BMPR1B: variants seen among roughly 807,000 people sequenced by gnomAD.
BMPR1B encodes the protein bone morphogenetic protein receptor type 1B.
In BMPR1B, 12 loss-of-function variants were observed where a neutral mutation model predicts 59.1. The ratio of observed to expected loss-of-function variants is 0.20; its 90% confidence interval spans 0.13 to 0.33. The LOEUF is 0.33. Among genes scored for constraint, BMPR1B ranks in the 10% least tolerant of loss-of-function variants. The pLI is 1.00. For synonymous variants in BMPR1B, 237 were observed against 207.3 expected (o/e 1.14, Z -1.23); for missense variants, 550 against 610.9 (o/e 0.90, Z 1.05).
intron 1 of BMPR1B, among the ~76,000 whole-genome samples, chr4:94,827,987 A>G (rs1489752459): frequency 6.6e-6 from 1 of 152,194 alleles, no homozygotes; most frequent in Admixed American, 6.5e-5. Flanking sequence ...AATGCCTGCC[A>G]TATCAGTTTC....
At chr4:94,869,095 AACACACACACACACACAC>A (rs59407857) in intron 1 of BMPR1B, among the ~76,000 whole-genome samples, 5,079 of 144,634 alleles carry the variant, frequency 0.035, 121 homozygotes, top group Non-Finnish European at 0.053. Context: ...TTTACTATCA[AACACACACACACACACAC>A]ACACACACAC....
intron 3 of BMPR1B, among the ~76,000 whole-genome samples, chr4:95,035,921 G>A (rs1389229179): frequency 1.3e-5 from 2 of 152,132 alleles, no homozygotes; most frequent in African/African-American, 4.8e-5. Context: ...AGCATGGTAT[G>A]TATTTCCATT....
chr4:94,895,240 C>T (rs145728178), intron 2 of BMPR1B, among the ~76,000 whole-genome samples: 4 of 151,974 alleles, frequency 2.6e-5, no homozygotes, highest in Admixed American at 6.6e-5. Context: ...TGCTTTAAGA[C>T]GTGTTTATTC....
intron 1 of BMPR1B, among the ~76,000 whole-genome samples, chr4:94,794,798 A>T (rs1355521953): frequency 6.0e-5 from 9 of 150,150 alleles, no homozygotes; most frequent in South Asian, 2.1e-4. Context: ...ATGGGAGTTC[A>T]CTCATGATTT....
intron 2 of BMPR1B, among the ~76,000 whole-genome samples, chr4:94,933,239 G>A (rs1255432074): frequency 6.6e-6 from 1 of 151,844 alleles, no homozygotes; most frequent in African/African-American, 2.4e-5. Context: ...CCTATTAACT[G>A]TTCCTTGAAA....
chr4:94,912,138 A>G (rs1336042431), intron 2 of BMPR1B, among the ~76,000 whole-genome samples: 5 of 152,112 alleles, frequency 3.3e-5, no homozygotes, highest in Non-Finnish European at 5.9e-5. Context: ...CTTATTCACT[A>G]TCATGAGAAC....
rs1254738477 is a variant in BMPR1B at position 95,131,243 on chromosome 4, A to G, written c.807A>G (p.Thr269=). 1 of 1,613,918 alleles carries G rather than the reference A, an allele frequency of 6.2e-7. No individual in the cohort carries two copies. Among genetic ancestry groups the G allele is most frequent in the Admixed American group, 1.7e-5 (1 of 59,960 alleles). The change falls in exon 10 of 13, where the codon ACA becomes ACG. Residue 269 remains threonine, a synonymous_variant. Transcript: ENST00000515059. ...LGFIAADIKG[T]GSWTQLYLIT... is the part of the protein sequence containing the mutation. Reference sequence around the variant, plus strand: ...TCATTGCTGCAGATATCAAAGGGACAGGGTCCTGGACCCAGTTGTACCTAA... The same window carrying G: ...TCATTGCTGCAGATATCAAAGGGACGGGGTCCTGGACCCAGTTGTACCTAA...
chr4:94,883,264 G>T (rs915233675), intron 2 of BMPR1B, among the ~76,000 whole-genome samples: 1 of 152,056 alleles, frequency 6.6e-6, no homozygotes, highest in Non-Finnish European at 1.5e-5. Context: ...ACTACATGCC[G>T]GATTTCTGTG....
intron 1 of BMPR1B, among the ~76,000 whole-genome samples, chr4:94,860,305 A>C (rs958582435): frequency 6.6e-6 from 1 of 152,178 alleles, no homozygotes; most frequent in Non-Finnish European, 1.5e-5. Context: ...GAGTATTTAG[A>C]AGCACTTAGA....
intron 1 of BMPR1B, among the ~76,000 whole-genome samples, chr4:94,841,103 G>A (rs1262026596): frequency 6.7e-6 from 1 of 148,918 alleles, no homozygotes; most frequent in Admixed American, 6.7e-5. Context: ...ACCCACTTGA[G>A]GAGGCAGTCT....
intron 10 of BMPR1B, among the ~76,000 whole-genome samples, chr4:95,147,357 A>G (rs1734721710): frequency 2.0e-5 from 3 of 152,234 alleles, no homozygotes; most frequent in South Asian, 2.1e-4. Context: ...AAATGACACC[A>G]TGTATTTCAT....
chr4:94,845,660 T>C (rs1349790281), intron 1 of BMPR1B, among the ~76,000 whole-genome samples: 2 of 152,206 alleles, frequency 1.3e-5, no homozygotes, highest in African/African-American at 4.8e-5. Context: ...AAATTCTTAA[T>C]TTAAGAATGG....
In BMPR1B at chr4:94,770,018, C is replaced by T. The variant is rs192089262; in HGVS notation, c.-183+11950C>T. Among the ~76,000 whole-genome samples, 209 of 152,150 alleles carry T rather than the reference C, an allele frequency of 1.4e-3. 1 individual carries two copies. Among genetic ancestry groups the T allele is most frequent in the Non-Finnish European group, 2.4e-3 (162 of 67,990 alleles). Reference sequence around the variant, plus strand: ...AGCACTCTGCTTTGTCCATGCTGTCCATCATTTATGGGGTATGTAGAGTCT... The same window carrying T: ...AGCACTCTGCTTTGTCCATGCTGTCTATCATTTATGGGGTATGTAGAGTCT... On this transcript the variant is annotated intron_variant, in intron 1 of 12. Transcript: ENST00000515059.
chr4:95,051,489 T>C (rs1241254681), intron 3 of BMPR1B, among the ~76,000 whole-genome samples: 1 of 152,098 alleles, frequency 6.6e-6, no homozygotes, highest in Non-Finnish European at 1.5e-5. Flanking sequence ...CCGCCCTTTG[T>C]TGTCCTCCCC....
intron 3 of BMPR1B, among the ~76,000 whole-genome samples, chr4:95,004,634 A>G (rs1209068843): frequency 6.6e-6 from 1 of 152,072 alleles, no homozygotes; most frequent in East Asian, 1.9e-4. Context: ...TGTAAAATAC[A>G]TTTTTCTTAA....
intron 8 of BMPR1B, 95 bp from the exon 9 acceptor site, chr4:95,129,767 T>G (rs1048866390): frequency 2.1e-5 from 25 of 1,208,728 alleles, no homozygotes; most frequent in South Asian, 1.9e-4. Flanking sequence ...TAAATATATT[T>G]TACATGCAGT....
At chr4:94,795,420 ACTT>A (rs1330226848) in intron 1 of BMPR1B, among the ~76,000 whole-genome samples, 1 of 147,656 alleles carries the variant, frequency 6.8e-6, no homozygotes, top group Admixed American at 6.7e-5. Context: ...AATTCAGAAA[ACTT>A]CTTATTGAAA....
chr4:94,844,985 T>C (rs115696237), intron 1 of BMPR1B, among the ~76,000 whole-genome samples: 1 of 152,072 alleles, frequency 6.6e-6, no homozygotes, highest in Non-Finnish European at 1.5e-5. Flanking sequence ...AGAGGAAAAA[T>C]TAAATTAGTA....
At chr4:94,869,198 GT>G (rs1174071466) in intron 1 of BMPR1B, among the ~76,000 whole-genome samples, 1 of 150,144 alleles carries the variant, frequency 6.7e-6, no homozygotes, top group Non-Finnish European at 1.5e-5. Flanking sequence ...TCTGATTTTT[GT>G]TTTACTCTTT....
Sources: allele counts gnomAD v4.1 joint callset (sites outside exome capture counted in the v4.1 genomes callset), GRCh38; gene constraint gnomAD v4.1.1; transcripts MANE v1.5; gene names NCBI Gene and HGNC (gene_info 2026-07-23, HGNC 2026-07-21).